The following PIK3R3 variants were observed in gnomAD, a reference collection of about 807,000 sequenced individuals.
PIK3R3 encodes phosphoinositide-3-kinase regulatory subunit 3, also known as phosphatidylinositol 3-kinase regulatory subunit gamma.
In PIK3R3, 64 loss-of-function variants were observed where a neutral mutation model predicts 62.9. The ratio of observed to expected loss-of-function variants is 1.02; its 90% CI spans 0.83 to 1.25. PIK3R3 has a LOEUF of 1.25. Ranked by LOEUF, PIK3R3 falls within the 50% of genes most tolerant of loss-of-function variation. The pLI, the probability that PIK3R3 is intolerant of heterozygous loss-of-function variation, is 0.00. For missense variants in PIK3R3, 614 were observed against 561.6 expected, an observed-to-expected ratio of 1.09 and a Z score of -0.94; for synonymous variants, 165 against 189.0, an observed-to-expected ratio of 0.87 and a Z score of 1.04.
intron 1 of PIK3R3, among the ~76,000 whole-genome samples, chr1:46,108,377 T>C (rs1297864671): frequency 6.6e-6 from 1 of 152,212 alleles, no homozygotes; most frequent in Non-Finnish European, 1.5e-5. Flanking sequence ...TCAATCCAAC[T>C]GCCTGCTTCC....
At chr1:46,148,441 C>A in the PIK3R3 span, among the ~76,000 whole-genome samples, 1 of 152,176 alleles carries the variant, frequency 6.6e-6, no homozygotes, top group South Asian at 2.1e-4. Context: ...ATCCAACTAG[C>A]AACTCTTTCC....
At chr1:46,134,048 A>G (rs961094184), upstream of PIK3R3, among the ~76,000 whole-genome samples, 4 of 152,222 alleles carry the variant, frequency 2.6e-5, no homozygotes, top group Non-Finnish European at 4.4e-5. Flanking sequence ...CTGAATAGCT[A>G]AAAGCAGATT....
chr1:46,068,192 G>C (rs1185164619), intron 3 of PIK3R3, among the ~76,000 whole-genome samples: 1 of 152,184 alleles, frequency 6.6e-6, no homozygotes, highest in Non-Finnish European at 1.5e-5. Flanking sequence ...AAATATACAT[G>C]AGAAGGACCA....
chr1:46,131,702 C>T, intron 1 of PIK3R3, 145 bp downstream of exon 1: 1 of 599,182 alleles, frequency 1.7e-6, no homozygotes, highest in Non-Finnish European at 2.9e-6. Flanking sequence ...AAACCAGAAG[C>T]AGTTTTACCG....
chr1:46,099,326 T>C (rs1348000575), intron 1 of PIK3R3, among the ~76,000 whole-genome samples: 4 of 152,192 alleles, frequency 2.6e-5, no homozygotes, highest in African/African-American at 9.7e-5. Context: ...AGTACAATTT[T>C]TTATATGACA....
At chr1:46,062,136 C>T (rs1648559034) in intron 5 of PIK3R3, 65 bp from the exon 6 acceptor site, 11 of 1,418,796 alleles carry the variant, frequency 7.8e-6, no homozygotes, top group Non-Finnish European at 8.6e-6. Flanking sequence ...TAACCTTGGT[C>T]TTAAACAAAT....
At chr1:46,059,786 C>T (rs1416596938) in intron 6 of PIK3R3, among the ~76,000 whole-genome samples, 1 of 151,102 alleles carries the variant, frequency 6.6e-6, no homozygotes, top group Admixed American at 6.6e-5. Context: ...AGAGCAAAAC[C>T]CTACCTCAAA....
Position 46,043,580 on chromosome 1 carries a change from C to A in PIK3R3, c.*93G>T. ...TCACAAAATCACTTCTTGTGCAAAA[C>A]AAGCAGTCTATGTAGAAAGAATGCC... On this transcript the variant is annotated 3_prime_UTR_variant, in exon 10 of 10. Transcript: ENST00000262741. 9.0e-7 allele frequency: 1 copy of A among 1,116,668 alleles called. No individual in the cohort carries two copies. Among genetic ancestry groups the A allele is most frequent in the Non-Finnish European group, 1.3e-6 (1 of 755,242 alleles). 69.2% of individuals were successfully genotyped at this position (1,116,668 alleles called of 1,614,324 possible). A position where few individuals can be genotyped will look rare whatever the true frequency, so the allele number is the denominator to read the frequency against.
chr1:46,167,139 C>T, the PIK3R3 span, among the ~76,000 whole-genome samples: 3,198 of 152,378 alleles, frequency 0.021, 111 homozygotes, highest in African/African-American at 0.07. Flanking sequence ...TGGGCCCTGG[C>T]GACCTTGGGT....
chr1:46,117,029 TA>T lies in PIK3R3; in HGVS notation c.106+14817del, dbSNP rs202186232. 3.5e-3 allele frequency among the ~76,000 whole-genome samples: 535 copies of T among 152,300 alleles called. 6 individuals carry two copies. The highest frequency in any genetic ancestry group is 0.034 in the East Asian group (177 of 5,190). ...AAAGCAAGAACTTCAGCACATAAAG[TA>T]AAATGAAACATGTATGGCATGGCTT... On this transcript the variant is annotated intron_variant, in intron 1 of 9. Transcript: ENST00000262741.
At chr1:46,174,345 C>T in the PIK3R3 span, among the ~76,000 whole-genome samples, 1 of 152,150 alleles carries the variant, frequency 6.6e-6, no homozygotes, top group Non-Finnish European at 1.5e-5. Flanking sequence ...AGGAGCCCAG[C>T]ACCGTCTGGG....
the PIK3R3 span, among the ~76,000 whole-genome samples, chr1:46,168,189 A>T: frequency 6.6e-6 from 1 of 152,152 alleles, no homozygotes; most frequent in African/African-American, 2.4e-5. Context: ...AATTTAAAAA[A>T]AAATACCTAT....
rs1650494566 is a variant in PIK3R3, at chr1:46,080,657, CA to C, written c.199del (p.Trp67GlyfsTer9). 6.2e-7 allele frequency: 1 copy of C among 1,602,652 alleles called. No homozygotes were observed. Among genetic ancestry groups the C allele is most frequent in the Non-Finnish European group, 8.5e-7 (1 of 1,169,830 alleles). On this transcript the variant is annotated frameshift_variant, in exon 2 of 10. Coordinates refer to ENST00000262741, the MANE Select transcript of PIK3R3 (RefSeq NM_003629.4). LOFTEE classifies it high-confidence loss of function. ...SVSLQDAEWYWGDISREEVND... is the reference protein window; with the variant it reads ...SVSLQDAEWYXGDISREEVND... ...TTCTAGTTACCTTGAAATATCCCCC[CA>C]GTACCATTCTGCATCCTGAAGAGAA...
chr1:46,174,118 A>G, the PIK3R3 span, among the ~76,000 whole-genome samples: 2 of 151,876 alleles, frequency 1.3e-5, no homozygotes, highest in African/African-American at 2.4e-5. Flanking sequence ...GGATCTATGC[A>G]TTTGTGTCTG....
At chr1:46,118,848 G>A (rs1424920437) in intron 1 of PIK3R3, among the ~76,000 whole-genome samples, 4 of 151,544 alleles carry the variant, frequency 2.6e-5, no homozygotes, top group African/African-American at 4.9e-5. Flanking sequence ...GAGCCACCAC[G>A]CCCAGCCACT....
intron 1 of PIK3R3, among the ~76,000 whole-genome samples, chr1:46,084,486 T>A (rs553641346): frequency 6.6e-6 from 1 of 152,358 alleles, no homozygotes; most frequent in Non-Finnish European, 1.5e-5. Context: ...GTGGATTTGC[T>A]ATAATCCATA....
At chr1:46,144,163 C>T in the PIK3R3 span, among the ~76,000 whole-genome samples, 1 of 152,068 alleles carries the variant, frequency 6.6e-6, no homozygotes, top group African/African-American at 2.4e-5. Flanking sequence ...ACCTATAACA[C>T]GGAATCAATC....
At chr1:46,124,796 CAAAAA>C (rs55985922) in intron 1 of PIK3R3, among the ~76,000 whole-genome samples, 6 of 108,368 alleles carry the variant, frequency 5.5e-5, no homozygotes, top group Admixed American at 1.0e-4. Context: ...AACTCTTTTT[CAAAAA>C]AAAAAAAAAA....
intron 3 of PIK3R3, among the ~76,000 whole-genome samples, chr1:46,071,217 C>A (rs888944951): frequency 6.6e-6 from 1 of 151,960 alleles, no homozygotes; most frequent in Non-Finnish European, 1.5e-5. Flanking sequence ...CCTAGTTATT[C>A]CCTAAAAAAA....
Sources: allele counts gnomAD v4.1 joint callset (sites outside exome capture counted in the v4.1 genomes callset), GRCh38; gene constraint gnomAD v4.1.1; transcripts MANE v1.5; gene names NCBI Gene and HGNC (gene_info 2026-07-23, HGNC 2026-07-21).